Variants in PIWIL2 observed in about 807,000 individuals in gnomAD.
The protein encoded by PIWIL2 is piwi-like protein 2.
Under a neutral mutation model 116.5 loss-of-function variants are expected in PIWIL2, and 81 were observed. The observed-to-expected ratio is 0.70, with a 90% confidence interval of 0.58 to 0.84. PIWIL2 has a LOEUF of 0.84. PIWIL2 is among the 40% of genes least tolerant of loss of function. The pLI, the probability that PIWIL2 is intolerant of heterozygous loss-of-function variation, is 0.00. For synonymous variants in PIWIL2, 489 were observed against 429.5 expected (o/e 1.14, Z -1.71); for missense variants, 1,272 against 1,212.3 (o/e 1.05, Z -0.73).
rs372904238 is a variant in PIWIL2, at chr8:22,322,256, C to G, written c.2403+3981C>G. On this transcript the variant is annotated intron_variant, in intron 20 of 22. Transcript: ENST00000356766. ...CCTTGATGAATACATGCCCCTCCCC[C>G]CCACCTTTTTTTTTGAGACAGGGTT... 3.1e-3 allele frequency among the ~76,000 whole-genome samples: 469 copies of G among 151,972 alleles called. 1 individual carries two copies. In the South Asian group the frequency reaches 0.043, roughly 14 times the overall value.
In PIWIL2 at chr8:22,304,069, T is replaced by C; in HGVS notation, c.1230T>C (p.Thr410=). Reference sequence around the variant, plus strand: ...AAGAACACTTCCAGGATGAGTGTACTAAGCTTCTGGTTGGCAATATTGTTA... The same window carrying C: ...AAGAACACTTCCAGGATGAGTGTACCAAGCTTCTGGTTGGCAATATTGTTA... ...QNKEHFQDEC[T]KLLVGNIVIT... The change falls in exon 11 of 23, where the codon ACT becomes ACC. Residue 410 remains threonine (T), a synonymous_variant. Coordinates refer to ENST00000356766, the MANE Select transcript of PIWIL2 (RefSeq NM_018068.5). 6.2e-7 allele frequency: 1 copy of C among 1,613,676 alleles called. No individual in the cohort carries two copies. Among genetic ancestry groups the C allele is most frequent in the Non-Finnish European group, 8.5e-7 (1 of 1,179,580 alleles).
intron 18 of PIWIL2, 86 bp from the exon 19 acceptor site, chr8:22,316,159 G>A: frequency 7.8e-6 from 6 of 767,724 alleles, no homozygotes; most frequent in Non-Finnish European, 1.4e-5. Flanking sequence ...AGGGGAGGTT[G>A]CTTTGGGATT....
At chr8:22,297,203 T>C (rs1461284333) in intron 10 of PIWIL2, among the ~76,000 whole-genome samples, 1 of 152,048 alleles carries the variant, frequency 6.6e-6, no homozygotes, top group African/African-American at 2.4e-5. Flanking sequence ...TTGCCAAGGC[T>C]GGTCTCGAAC....
intron 1 of PIWIL2, among the ~76,000 whole-genome samples, chr8:22,278,055 C>G (rs1277158682): frequency 6.6e-6 from 1 of 152,010 alleles, no homozygotes; most frequent in Non-Finnish European, 1.5e-5. Context: ...GTAATCCCAG[C>G]TACTCGGGAC....
chr8:22,304,448 GT>G (rs1319132584), intron 11 of PIWIL2, among the ~76,000 whole-genome samples: 1 of 152,116 alleles, frequency 6.6e-6, no homozygotes, highest in Non-Finnish European at 1.5e-5. Context: ...GCTTTGAATT[GT>G]TTTTCTGATT....
intron 20 of PIWIL2, among the ~76,000 whole-genome samples, chr8:22,335,038 G>GAGT (rs1333853994): frequency 6.9e-6 from 1 of 144,170 alleles, no homozygotes; most frequent in Non-Finnish European, 1.5e-5. Flanking sequence ...CTGGGTGACA[G>GAGT]AGTGAGACTC....
At chr8:22,332,188 C>A (rs867566079) in intron 20 of PIWIL2, among the ~76,000 whole-genome samples, 1 of 151,958 alleles carries the variant, frequency 6.6e-6, no homozygotes, top group African/African-American at 2.4e-5. Flanking sequence ...CCCTGTAATC[C>A]CAGCTTCTCA....
intron 20 of PIWIL2, among the ~76,000 whole-genome samples, chr8:22,346,251 A>T (rs114892053): frequency 1.4e-3 from 219 of 152,278 alleles, no homozygotes; most frequent in African/African-American, 5.0e-3. Context: ...AAGTAAATAA[A>T]AGGATGAGTT....
chr8:22,336,472 G>A (rs1168385239), intron 20 of PIWIL2, among the ~76,000 whole-genome samples: 1 of 152,056 alleles, frequency 6.6e-6, no homozygotes, highest in African/African-American at 2.4e-5. Context: ...ATGGATGTAA[G>A]TAAAACAGTA....
At chr8:22,349,934 C>T (rs886953061) in intron 20 of PIWIL2, among the ~76,000 whole-genome samples, 1 of 151,956 alleles carries the variant, frequency 6.6e-6, no homozygotes, top group Admixed American at 6.6e-5. Context: ...TGGTGTGGCT[C>T]GAGTCGTCTA....
At position 22,281,192 on chromosome 8, in the gene PIWIL2, G is replaced by C. The variant is rs764186296; in HGVS notation, c.271G>C (p.Glu91Gln). ...ETVSKTPLKR[E>Q]MLPSGRGILG... Reference sequence around the variant, plus strand: ...AGTTTCTAAGACCCCTCTGAAACGGGAAATGCTTCCATCAGGTATGTGGAA... The same window carrying C: ...AGTTTCTAAGACCCCTCTGAAACGGCAAATGCTTCCATCAGGTATGTGGAA... The change falls in exon 3 of 23, where the codon GAA becomes CAA. Residue 91 changes from glutamate (E) to glutamine (Q), a missense_variant. Physicochemically the swap from Glu to Gln is conservative, Grantham distance 29. Transcript: ENST00000356766. 21 of 1,611,288 alleles carry C rather than the reference G, an allele frequency of 1.3e-5. No homozygotes were observed. Among genetic ancestry groups the C allele is most frequent in the Non-Finnish European group, 1.8e-5 (21 of 1,178,422 alleles).
At chr8:22,326,237 T>C (rs905377686) in intron 20 of PIWIL2, among the ~76,000 whole-genome samples, 3 of 149,936 alleles carry the variant, frequency 2.0e-5, no homozygotes, top group Non-Finnish European at 4.4e-5. Flanking sequence ...TGAGGTGAAA[T>C]AGGTGAGGTT....
At chr8:22,297,190 G>C (rs1000942218) in intron 10 of PIWIL2, among the ~76,000 whole-genome samples, 9 of 152,002 alleles carry the variant, frequency 5.9e-5, no homozygotes, top group African/African-American at 1.9e-4. Context: ...GGGTCTCACT[G>C]TGTTGCCAAG....
rs1832156875 is a variant in PIWIL2 at position 22,343,497 on chromosome 8, C to T, written c.2404-9462C>T. Among the ~76,000 whole-genome samples the T allele has an allele frequency of 2.0e-5, 3 of 152,102 alleles. No individual in the cohort carries two copies. In the South Asian group the frequency reaches 6.2e-4, roughly 32 times the overall value. On this transcript the variant is annotated intron_variant, in intron 20 of 22. Coordinates refer to ENST00000356766, the MANE Select transcript of PIWIL2 (RefSeq NM_018068.5). The stretch of plus-strand genomic sequence containing the variant: ...CCTGTAATCCTAGCTACTCAGGAGG[C>T]TGAGGCAGGAGAACTGCTTGAACCA...
intron 20 of PIWIL2, among the ~76,000 whole-genome samples, chr8:22,328,027 T>A (rs561042840): frequency 6.6e-6 from 1 of 152,252 alleles, no homozygotes; most frequent in Non-Finnish European, 1.5e-5. Context: ...CATTGCCAAA[T>A]CCAAGGTCAT....
intron 2 of PIWIL2, 44 bp from the exon 3 acceptor site, chr8:22,281,076 G>C: frequency 8.1e-7 from 1 of 1,240,216 alleles, no homozygotes; most frequent in Non-Finnish European, 1.2e-6. Context: ...TGTTTCTGGG[G>C]TTTTAAACTA....
At chr8:22,289,400 C>G (rs1485082200) in intron 8 of PIWIL2, among the ~76,000 whole-genome samples, 1 of 152,140 alleles carries the variant, frequency 6.6e-6, no homozygotes, top group Admixed American at 6.5e-5. Context: ...ATCTGTCCAC[C>G]TCAGCCTCCC....
chr8:22,350,831 C>G (rs1832335877), intron 20 of PIWIL2, among the ~76,000 whole-genome samples: 1 of 151,606 alleles, frequency 6.6e-6, no homozygotes, highest in African/African-American at 2.4e-5. Context: ...GAGACCCTGT[C>G]TCTAAAAAAT....
chr8:22,308,942 C>T (rs114567229), intron 14 of PIWIL2, among the ~76,000 whole-genome samples: 1,781 of 152,000 alleles, frequency 0.012, 48 homozygotes, highest in African/African-American at 0.039. Flanking sequence ...TGAGCCACCA[C>T]GCTAGCCCTT....
Sources: allele counts gnomAD v4.1 joint callset (sites outside exome capture counted in the v4.1 genomes callset), GRCh38; gene constraint gnomAD v4.1.1; transcripts MANE v1.5; gene names NCBI Gene and HGNC (gene_info 2026-07-23, HGNC 2026-07-21).